The following SKA2 variants were observed in gnomAD, a reference collection of about 807,000 sequenced individuals.
The protein encoded by SKA2 is spindle and kinetochore-associated protein 2.
In SKA2, 13 loss-of-function variants were observed where a neutral mutation model predicts 16.9. That is an observed-to-expected ratio of 0.77 (90% CI 0.50 to 1.22). SKA2 has a LOEUF of 1.22. SKA2 is among the 50% of genes most tolerant of loss of function. SKA2 has a pLI of 0.00. For missense variants in SKA2, 107 were observed against 139.7 expected (o/e 0.77, Z 1.18); for synonymous variants, 47 against 48.5 (o/e 0.97, Z 0.13).
At chr17:59,147,625 C>T (rs2046543460) in intron 1 of SKA2, among the ~76,000 whole-genome samples, 1 of 144,958 alleles carries the variant, frequency 6.9e-6, no homozygotes, top group Non-Finnish European at 1.5e-5. Flanking sequence ...TCTTGATCTA[C>T]TTTTTTTTTT....
intron 3 of SKA2, among the ~76,000 whole-genome samples, chr17:59,115,271 T>G (rs961801107): frequency 5.9e-5 from 9 of 152,044 alleles, no homozygotes; most frequent in African/African-American, 2.2e-4. Flanking sequence ...TTGGCCAGGC[T>G]GGTCTGGAAC....
intron 2 of SKA2, 33 bp downstream of exon 2, chr17:59,131,247 GA>G (rs778333371): frequency 6.7e-7 from 1 of 1,489,614 alleles, no homozygotes; most frequent in Non-Finnish European, 9.1e-7. Context: ...AGTTAAGGCT[GA>G]TTTTTTTTAA....
intron 1 of SKA2, among the ~76,000 whole-genome samples, chr17:59,142,225 TGTAA>T (rs2046495752): frequency 6.6e-6 from 1 of 152,002 alleles, no homozygotes; most frequent in Non-Finnish European, 1.5e-5. Context: ...TGGTAGTACA[TGTAA>T]GTGACAGGGA....
intron 2 of SKA2, among the ~76,000 whole-genome samples, chr17:59,128,767 T>C (rs1156865443): frequency 6.6e-6 from 1 of 152,112 alleles, no homozygotes; most frequent in East Asian, 1.9e-4. Flanking sequence ...GCTTGCAGGA[T>C]AGCAGGGAAG....
chr17:59,146,381 C>T (rs1223387722), intron 1 of SKA2, among the ~76,000 whole-genome samples: 2 of 152,134 alleles, frequency 1.3e-5, no homozygotes, highest in Non-Finnish European at 2.9e-5. Context: ...CGCCTGTAAT[C>T]CCAGCTACTC....
chr17:59,150,119 G>A (rs1210446344), intron 1 of SKA2, among the ~76,000 whole-genome samples: 1 of 152,164 alleles, frequency 6.6e-6, no homozygotes, highest in African/African-American at 2.4e-5. Flanking sequence ...AGTTCACTGG[G>A]CATGCCACAC....
At chr17:59,114,632 A>C (rs180748393) in intron 3 of SKA2, among the ~76,000 whole-genome samples, 1 of 152,314 alleles carries the variant, frequency 6.6e-6, no homozygotes, top group African/African-American at 2.4e-5. Flanking sequence ...ATATTCTGGT[A>C]GGCAGGAAAG....
At chr17:59,148,401 C>T (rs2046550312) in intron 1 of SKA2, among the ~76,000 whole-genome samples, 1 of 151,950 alleles carries the variant, frequency 6.6e-6, no homozygotes, top group Non-Finnish European at 1.5e-5. Flanking sequence ...CATAACAAGA[C>T]CCCATCTCTA....
rs1568314343 is a variant in SKA2 at position 59,154,871 on chromosome 17, G to T, written c.33+260C>A. ...TTTCGTAAGGGGTGTAAAGGTGAGGGCAAGGAACAAGGAATTCCAAAGGCC... is the reference window on the plus strand; with the variant it reads ...TTTCGTAAGGGGTGTAAAGGTGAGGTCAAGGAACAAGGAATTCCAAAGGCC... On this transcript the variant is annotated intron_variant, in intron 1 of 3. Transcript: ENST00000330137. 7 of 1,452,296 alleles carry T rather than the reference G, an allele frequency of 4.8e-6. No homozygotes were observed. In the Admixed American group the frequency reaches 7.4e-5, roughly 15 times the overall value. The allele number at this position is 1,452,296 out of a possible 1,614,324, so 90.0% of individuals were successfully genotyped here.
intron 2 of SKA2, among the ~76,000 whole-genome samples, chr17:59,130,002 A>G (rs1421076617): frequency 1.5e-5 from 2 of 132,396 alleles, no homozygotes; most frequent in Non-Finnish European, 3.2e-5. Context: ...GGGAAGGAAG[A>G]GAGAAAAAGA....
rs187708854 is a variant in SKA2 at position 59,111,369 on chromosome 17, T to G, written c.*908A>C. ...GTACTAGCCAAATGTGTATGTATAT[T>G]GCTATTATAAACAACCCTGTGATTA... On this transcript the variant is annotated 3_prime_UTR_variant, in exon 4 of 4. Coordinates refer to ENST00000330137, the MANE Select transcript of SKA2 (RefSeq NM_182620.4). 3.9e-5 allele frequency: 6 copies of G among 152,370 alleles called. No homozygotes were observed. Among genetic ancestry groups the G allele is most frequent in the Admixed American group, 3.9e-4 (6 of 15,296 alleles). The allele number at this position is 152,370 out of a possible 1,614,324, so 9.4% of individuals were successfully genotyped here. A position where few individuals can be genotyped will look rare whatever the true frequency, so the allele number is the denominator to read the frequency against.
chr17:59,154,968 A>G, intron 1 of SKA2, 163 bp downstream of exon 1: 1 of 1,613,960 alleles, frequency 6.2e-7, no homozygotes, highest in Non-Finnish European at 8.5e-7. Flanking sequence ...GAGGCGGTTT[A>G]GACACCAGAC....
chr17:59,123,557 A>G (rs2046351407), intron 2 of SKA2, among the ~76,000 whole-genome samples: 1 of 150,068 alleles, frequency 6.7e-6, no homozygotes, highest in Non-Finnish European at 1.5e-5. Flanking sequence ...ACTCTGTCTC[A>G]GGAAAAAAAA....
chr17:59,131,367 A>G lies in SKA2; in HGVS notation c.34T>C (p.Phe12Leu), dbSNP rs755189538. ...TCCAGATCAGACTCAGCTTTCTGGA[A>G]CTAAAGATCAGCACAAATCATTATT... The part of the protein sequence containing the change: ...EAEVDKLELM[F>L]QKAESDLDYI... Residue 12 changes from phenylalanine (F) to leucine (L), a missense_variant and splice_region_variant, in exon 2 of 4, where the codon TTC (phenylalanine) becomes CTC (leucine). Transcript: ENST00000330137. The G allele has an allele frequency of 6.4e-7, 1 of 1,554,780 alleles. No homozygotes were observed. Among genetic ancestry groups the G allele is most frequent in the South Asian group, 1.2e-5 (1 of 82,032 alleles).
intron 2 of SKA2, among the ~76,000 whole-genome samples, chr17:59,124,753 G>C (rs1263592058): frequency 2.6e-5 from 4 of 152,082 alleles, no homozygotes; most frequent in Non-Finnish European, 5.9e-5. Flanking sequence ...GAGAGGACAG[G>C]GTAGTTGGGC....
intron 1 of SKA2, among the ~76,000 whole-genome samples, chr17:59,138,553 C>A (rs1470182515): frequency 6.6e-6 from 1 of 151,982 alleles, no homozygotes; most frequent in Non-Finnish European, 1.5e-5. Flanking sequence ...GCCTCAGCCT[C>A]CCGACTAGCT....
intron 2 of SKA2, among the ~76,000 whole-genome samples, chr17:59,121,063 A>G (rs535373666): frequency 6.6e-6 from 1 of 151,628 alleles, no homozygotes; most frequent in Non-Finnish European, 1.5e-5. Flanking sequence ...GAGGCAGGAG[A>G]ATCGCTTGAA....
intron 1 of SKA2, among the ~76,000 whole-genome samples, 174 bp from the exon 2 acceptor site, chr17:59,131,541 C>G (rs1312416072): frequency 6.6e-6 from 1 of 152,146 alleles, no homozygotes; most frequent in Non-Finnish European, 1.5e-5. Context: ...TAACTATGCT[C>G]TATGAAAAAT....
Position 59,155,166 on chromosome 17 carries a change from T to C in SKA2, c.-3A>G, listed in dbSNP as rs2046614411. 1 of 1,613,908 alleles carries C rather than the reference T, an allele frequency of 6.2e-7. No homozygotes were observed. The highest frequency in any genetic ancestry group is 1.1e-5 in the South Asian group (1 of 91,094). Reference sequence around the variant, plus strand: ...AGCTTATCGACCTCCGCCTCCATGTTGAATAGTTGACATTCCGCAGACCGC... The same window carrying C: ...AGCTTATCGACCTCCGCCTCCATGTCGAATAGTTGACATTCCGCAGACCGC... On this transcript the variant is annotated 5_prime_UTR_variant, in exon 1 of 4. Transcript: ENST00000330137.
Sources: allele counts gnomAD v4.1 joint callset (sites outside exome capture counted in the v4.1 genomes callset), GRCh38; gene constraint gnomAD v4.1.1; transcripts MANE v1.5; gene names NCBI Gene and HGNC (gene_info 2026-07-23, HGNC 2026-07-21).